RBFOX1: variants seen among roughly 807,000 people sequenced by gnomAD.
RBFOX1 encodes the protein RNA binding fox-1 homolog 1.
Under a neutral mutation model 57.7 loss-of-function variants are expected in RBFOX1, and 8 were observed. That is an observed-to-expected ratio of 0.14 (90% CI 0.08 to 0.25). RBFOX1 has a LOEUF of 0.25. Among genes scored for constraint, RBFOX1 ranks in the 10% least tolerant of loss-of-function variants. The pLI is 1.00. For missense variants in RBFOX1, 611 were observed against 548.5 expected (o/e 1.11, Z -1.14); for synonymous variants, 326 against 222.4 (o/e 1.47, Z -4.15).
chr16:5,553,608 C>G (rs1489775558), intron 2 of RBFOX1, among the ~76,000 whole-genome samples: 1 of 150,926 alleles, frequency 6.6e-6, no homozygotes, highest in East Asian at 1.9e-4. Flanking sequence ...AGCCACCACG[C>G]CCAGCCATGT....
At chr16:6,996,448 GATAC>G (rs1472830239) in intron 3 of RBFOX1, among the ~76,000 whole-genome samples, 3 of 152,082 alleles carry the variant, frequency 2.0e-5, no homozygotes, top group Non-Finnish European at 4.4e-5. Context: ...TATCTAGATT[GATAC>G]ATACATGTGT....
chr16:6,508,013 T>G (rs1294791277), intron 2 of RBFOX1, among the ~76,000 whole-genome samples: 2 of 152,126 alleles, frequency 1.3e-5, no homozygotes, highest in African/African-American at 4.8e-5. Flanking sequence ...TACATATACA[T>G]GATGGAATAC....
At chr16:6,325,212 A>T (rs181406651) in intron 2 of RBFOX1, among the ~76,000 whole-genome samples, 20 of 152,194 alleles carry the variant, frequency 1.3e-4, no homozygotes, top group Non-Finnish European at 2.6e-4. Context: ...TTAAAAAATT[A>T]TCCAGGCATG....
At chr16:5,871,867 C>G (rs2057482111) in intron 4 of RBFOX1, among the ~76,000 whole-genome samples, 1 of 152,162 alleles carries the variant, frequency 6.6e-6, no homozygotes. Flanking sequence ...TATTTCATGG[C>G]AAAGCAATCG....
intron 4 of RBFOX1, among the ~76,000 whole-genome samples, chr16:7,377,017 G>A (rs2097697405): frequency 6.6e-6 from 1 of 152,080 alleles, no homozygotes. Flanking sequence ...GATTTCCATA[G>A]GTCCCTGTAA....
At chr16:7,011,395 C>G (rs1036251301) in intron 3 of RBFOX1, among the ~76,000 whole-genome samples, 3 of 152,316 alleles carry the variant, frequency 2.0e-5, no homozygotes, top group South Asian at 4.2e-4. Context: ...GGGATTGAAA[C>G]CAGGCGGGCT....
chr16:5,740,445 A>T (rs1403218411), intron 3 of RBFOX1, among the ~76,000 whole-genome samples: 1 of 152,228 alleles, frequency 6.6e-6, no homozygotes, highest in African/African-American at 2.4e-5. Context: ...TATTCAAAGC[A>T]CATTGTGTGA....
In RBFOX1 at chr16:6,182,386, C is replaced by T. The variant is rs1428153295; in HGVS notation, c.-126-134609C>T. Reference sequence around the variant, plus strand: ...CAGCCACTTTAGAATAAGAATCATTCCTAATTCCACCAGTTTAAGATTAAT... The same window carrying T: ...CAGCCACTTTAGAATAAGAATCATTTCTAATTCCACCAGTTTAAGATTAAT... On this transcript the variant is annotated intron_variant, in intron 1 of 15. Coordinates refer to ENST00000550418, the MANE Select transcript of RBFOX1 (RefSeq NM_018723.4). Among the ~76,000 whole-genome samples, 3 of 152,154 alleles carry T rather than the reference C, an allele frequency of 2.0e-5. No individual in the cohort carries two copies. The East Asian group carries it at 5.8e-4, about 29-fold the overall frequency.
At chr16:6,966,777 A>G (rs62016379) in intron 3 of RBFOX1, among the ~76,000 whole-genome samples, 1,536 of 24,684 alleles carry the variant, frequency 0.062, 31 homozygotes, top group African/African-American at 0.14. Context: ...CTATCTATCT[A>G]TCTATCTATC....
chr16:6,277,112 G>A (rs530738238), intron 1 of RBFOX1, among the ~76,000 whole-genome samples: 5 of 152,198 alleles, frequency 3.3e-5, no homozygotes, highest in Admixed American at 2.6e-4. Context: ...CACAATTGCC[G>A]GAGGTTCAGA....
chr16:7,477,019 C>G (rs555807311), intron 4 of RBFOX1, among the ~76,000 whole-genome samples: 8 of 152,162 alleles, frequency 5.3e-5, no homozygotes, highest in Non-Finnish European at 1.0e-4. Context: ...GTGTACCTAA[C>G]ACTTGCTGTC....
intron 4 of RBFOX1, among the ~76,000 whole-genome samples, chr16:7,451,556 C>G (rs957820282): frequency 3.3e-5 from 5 of 152,146 alleles, no homozygotes; most frequent in Non-Finnish European, 7.3e-5. Flanking sequence ...ACACTCATTG[C>G]TCCCTCTGGC....
chr16:7,410,911 C>CA (rs746851784), intron 4 of RBFOX1, among the ~76,000 whole-genome samples: 1 of 151,466 alleles, frequency 6.6e-6, no homozygotes, highest in Non-Finnish European at 1.5e-5. Flanking sequence ...TTCCATCGAT[C>CA]TACTCTTCAC....
intron 3 of RBFOX1, among the ~76,000 whole-genome samples, chr16:6,783,937 T>A (rs1188404073): frequency 1.3e-5 from 2 of 152,186 alleles, no homozygotes; most frequent in Non-Finnish European, 2.9e-5. Flanking sequence ...AAAGTCTTTT[T>A]GTTCAGCACT....
chr16:6,080,559 G>A (rs920702806), intron 1 of RBFOX1, among the ~76,000 whole-genome samples: 20 of 152,112 alleles, frequency 1.3e-4, no homozygotes, highest in African/African-American at 4.8e-4. Context: ...TTAAGATAGG[G>A]ATATTTACTG....
At chr16:7,450,309 G>T (rs2098841681) in intron 4 of RBFOX1, among the ~76,000 whole-genome samples, 1 of 144,208 alleles carries the variant, frequency 6.9e-6, no homozygotes, top group Admixed American at 7.5e-5. Context: ...CAGGAGAATT[G>T]CCTGAACCAG....
intron 1 of RBFOX1, among the ~76,000 whole-genome samples, chr16:5,274,825 G>A (rs568574583): frequency 3.9e-5 from 6 of 152,294 alleles, no homozygotes; most frequent in Non-Finnish European, 7.4e-5. Flanking sequence ...CTTACCCTCT[G>A]TTTCCCTTTC....
chr16:6,028,685 A>G (rs1290116534), intron 1 of RBFOX1, among the ~76,000 whole-genome samples: 2 of 152,132 alleles, frequency 1.3e-5, no homozygotes, highest in Admixed American at 1.3e-4. Flanking sequence ...TATCTGTAAA[A>G]AAAAAGAACA....
chr16:5,420,470 A>G (rs548218365), intron 1 of RBFOX1, among the ~76,000 whole-genome samples: 2 of 152,106 alleles, frequency 1.3e-5, no homozygotes, highest in Admixed American at 6.5e-5. Context: ...TCATACACTC[A>G]TGTACACACA....
Sources: gnomAD v4.1 joint callset for allele counts (sites outside exome capture counted in the v4.1 genomes callset) on GRCh38, gnomAD v4.1.1 for gene constraint, MANE v1.5 for transcripts, NCBI Gene and HGNC (gene_info 2026-07-23, HGNC 2026-07-21) for gene names.